The following TULP4 variants were observed in gnomAD, a reference collection of about 807,000 sequenced individuals.
TULP4 encodes TUB like protein 4.
TULP4 carries 16 observed loss-of-function variants against 129.0 expected under a neutral mutation model. That is an observed-to-expected ratio of 0.12 (90% CI 0.08 to 0.19). The LOEUF (loss-of-function observed/expected upper bound fraction) is 0.19. Among genes scored for constraint, TULP4 ranks in the 10% least tolerant of loss-of-function variants. The pLI is 1.00. For missense variants in TULP4, 1,842 were observed against 2,059.1 expected (o/e 0.89, Z 2.04); for synonymous variants, 998 against 854.0 (o/e 1.17, Z -2.94).
intron 12 of TULP4, among the ~76,000 whole-genome samples, chr6:158,501,287 C>G (rs933614672): frequency 6.6e-6 from 1 of 152,190 alleles, no homozygotes; most frequent in Non-Finnish European, 1.5e-5. Flanking sequence ...CACTGCAAGT[C>G]CTCAATGGAG....
At chr6:158,242,700 T>G (rs942554822) in intron 1 of TULP4, 1 of 576,562 alleles carries the variant, frequency 1.7e-6, no homozygotes, top group Non-Finnish European at 3.2e-6. Flanking sequence ...TACATCATCT[T>G]TGTGGATCTG....
intron 1 of TULP4, among the ~76,000 whole-genome samples, chr6:158,298,055 G>T (rs922744346): frequency 6.6e-6 from 1 of 152,056 alleles, no homozygotes; most frequent in East Asian, 1.9e-4. Flanking sequence ...ATAATTTAGC[G>T]ATACCTCTCC....
intron 6 of TULP4, among the ~76,000 whole-genome samples, chr6:158,471,340 G>A (rs1779677902): frequency 6.6e-6 from 1 of 152,224 alleles, no homozygotes; most frequent in African/African-American, 2.4e-5. Context: ...TAATCCTAGA[G>A]TCAGTAGTAC....
chr6:158,296,591 C>T (rs1286189242), intron 1 of TULP4, among the ~76,000 whole-genome samples: 1 of 151,616 alleles, frequency 6.6e-6, no homozygotes, highest in African/African-American at 2.4e-5. Context: ...GGACAAAGGG[C>T]AAAAGCAGAA....
chr6:158,464,343 G>T (rs972970460), intron 6 of TULP4, among the ~76,000 whole-genome samples: 6 of 152,228 alleles, frequency 3.9e-5, no homozygotes, highest in Admixed American at 3.3e-4. Flanking sequence ...GTCACAGGTG[G>T]ATTCAAAGAT....
chr6:158,417,360 T>C (rs946871339), intron 2 of TULP4, among the ~76,000 whole-genome samples: 4 of 152,224 alleles, frequency 2.6e-5, no homozygotes, highest in African/African-American at 9.6e-5. Flanking sequence ...TGAGCTTCCC[T>C]GGGCCACAGA....
At chr6:158,244,620 GA>G (rs545309721) in intron 1 of TULP4, among the ~76,000 whole-genome samples, 1 of 152,046 alleles carries the variant, frequency 6.6e-6, no homozygotes, top group East Asian at 1.9e-4. Context: ...TACAAGGGAG[GA>G]AAAAAAGCCT....
At chr6:158,393,201 G>A (rs533349601) in intron 1 of TULP4, among the ~76,000 whole-genome samples, 1 of 152,342 alleles carries the variant, frequency 6.6e-6, no homozygotes, top group East Asian at 1.9e-4. Flanking sequence ...AGGGCATGCT[G>A]ATGCAAGAGG....
In TULP4 at chr6:158,358,633, A is replaced by G. The variant is rs539126002; in HGVS notation, c.252+44365A>G. Among the ~76,000 whole-genome samples, 4 of 152,350 alleles carry G rather than the reference A, an allele frequency of 2.6e-5. No individual in the cohort carries two copies. In the East Asian group the frequency reaches 7.7e-4, roughly 29 times the overall value. On this transcript the variant is annotated intron_variant, in intron 1 of 13. Transcript: ENST00000367097. ...TCCCACATCTATTTAGCATTGGTATAAAAAGACATATGAGAAACGGTTCTG... is the reference window on the plus strand; with the variant it reads ...TCCCACATCTATTTAGCATTGGTATGAAAAGACATATGAGAAACGGTTCTG...
chr6:158,501,767 T>C lies in TULP4; in HGVS notation c.2104T>C (p.Ser702Pro), dbSNP rs749381173. The C allele has an allele frequency of 1.2e-6, 2 of 1,613,908 alleles. No homozygotes were observed. Among genetic ancestry groups the C allele is most frequent in the African/African-American group, 1.3e-5 (1 of 74,876 alleles). Residue 702 changes from serine to proline, a missense_variant, in exon 13 of 14, where the codon TCC (serine) becomes CCC (proline). Physicochemically the swap from Ser to Pro is moderately conservative, Grantham distance 74 (BLOSUM62 -1). Coordinates refer to ENST00000367097, the MANE Select transcript of TULP4 (RefSeq NM_020245.5). ...APIHSSAQAM[S>P]PTQSIGLVQS... is the part of the protein sequence containing the mutation. ...GATCCACAGCTCGGCTCAGGCTATG[T>C]CCCCCACGCAGAGCATAGGGCTGGT... is the stretch of plus-strand genomic sequence containing the variant.
At chr6:158,404,847 CAAGAA>C (rs1423799235) in intron 1 of TULP4, among the ~76,000 whole-genome samples, 1 of 149,928 alleles carries the variant, frequency 6.7e-6, no homozygotes, top group Non-Finnish European at 1.5e-5. Flanking sequence ...TTTCCTCAGA[CAAGAA>C]AAGATTGAGG....
At chr6:158,365,875 C>CTTTTTTTTTTTTTTTTTTTT (rs765731288) in intron 1 of TULP4, among the ~76,000 whole-genome samples, 1 of 71,146 alleles carries the variant, frequency 1.4e-5, no homozygotes. Context: ...GTTCGTTTTT[C>CTTTTTTTTTTTTTTTTTTTT]TTTTTTTTTT....
chr6:158,471,760 C>A (rs1779687662), intron 6 of TULP4, among the ~76,000 whole-genome samples: 1 of 152,168 alleles, frequency 6.6e-6, no homozygotes, highest in South Asian at 2.1e-4. Flanking sequence ...ACTGCCAGTT[C>A]ATTGCCTAGA....
chr6:158,396,644 TGTAAAATGCATAAAAAGAAG>T (rs1488819788), intron 1 of TULP4, among the ~76,000 whole-genome samples: 1 of 152,148 alleles, frequency 6.6e-6, no homozygotes, highest in Non-Finnish European at 1.5e-5. Context: ...ATTTTTAAAG[TGTAAAATGCATAAAAAGAAG>T]GTAAAACTCC....
At position 158,365,899 on chromosome 6, in the gene TULP4, C is replaced by CTTTTTT. The variant is rs5881257; in HGVS notation, c.253-47150_253-47145dup. 1.0e-3 allele frequency among the ~76,000 whole-genome samples: 60 copies of CTTTTTT among 57,566 alleles called. 1 individual carries two copies. The highest frequency in any genetic ancestry group is 1.4e-3 in the Non-Finnish European group (49 of 34,280). The allele number at this position is 57,566 out of a possible 152,430, so 37.8% of individuals were successfully genotyped here. A position where few individuals can be genotyped will look rare whatever the true frequency, so the allele number is the denominator to read the frequency against. On this transcript the variant is annotated intron_variant, in intron 1 of 13. Coordinates refer to ENST00000367097, the MANE Select transcript of TULP4 (RefSeq NM_020245.5). ...TCTTTTTTTTTTTTTCTTTTTCTTT[C>CTTTTTT]TTTTTTTTTTTTTTTTTTTTTGAGA...
At chr6:158,466,029 C>T (rs906362938) in intron 6 of TULP4, among the ~76,000 whole-genome samples, 8 of 152,226 alleles carry the variant, frequency 5.3e-5, no homozygotes, top group African/African-American at 9.7e-5. Flanking sequence ...TGGCTCAAGG[C>T]TTGCCTTGCA....
intron 1 of TULP4, among the ~76,000 whole-genome samples, chr6:158,306,836 G>A (rs532849906): frequency 7.9e-5 from 12 of 151,918 alleles, no homozygotes; most frequent in African/African-American, 1.7e-4. Context: ...CCTGGCTAAC[G>A]TGGCGAAACC....
intron 1 of TULP4, among the ~76,000 whole-genome samples, chr6:158,369,564 G>A (rs986701192): frequency 3.9e-5 from 6 of 152,116 alleles, no homozygotes; most frequent in African/African-American, 1.2e-4. Context: ...ATCCTGAGAC[G>A]CAGAGCATTC....
chr6:158,240,980 A>G (rs1361508276), intron 1 of TULP4, among the ~76,000 whole-genome samples: 1 of 137,708 alleles, frequency 7.3e-6, no homozygotes, highest in Non-Finnish European at 1.6e-5. Context: ...GGGGCTCCTC[A>G]CTTCTCAGAC....
Sources: allele counts gnomAD v4.1 joint callset (sites outside exome capture counted in the v4.1 genomes callset), GRCh38; gene constraint gnomAD v4.1.1; transcripts MANE v1.5; gene names NCBI Gene and HGNC (gene_info 2026-07-23, HGNC 2026-07-21).